SLU7: variants seen among roughly 807,000 people sequenced by gnomAD.
SLU7 encodes spliceosome associated SLU7.
In SLU7, 60 loss-of-function variants were observed where a neutral mutation model predicts 87.0. The ratio of observed to expected loss-of-function variants is 0.69; its 90% CI spans 0.56 to 0.86. The LOEUF (loss-of-function observed/expected upper bound fraction) is 0.86. Ranked by LOEUF, SLU7 falls within the 40% of genes least tolerant of loss-of-function variation. SLU7 has a pLI of 0.00. For missense variants in SLU7, 507 were observed against 686.6 expected (o/e 0.74, Z 2.92); for synonymous variants, 197 against 222.0 (o/e 0.89, Z 1.00).
At position 160,403,365 on chromosome 5, in the gene SLU7, GTTCTCGAGT is replaced by G; in HGVS notation, c.1672_1680del (p.Thr558_Glu560del). 1.2e-6 allele frequency: 2 copies of G among 1,613,406 alleles called. No homozygotes were observed. Among genetic ancestry groups the G allele is most frequent in the Non-Finnish European group, 1.7e-6 (2 of 1,179,774 alleles). ...TATGCCTCCATTTCCTCTTCAGTAG[GTTCTCGAGT>G]TTCATACATGCTATTGTAAGGCCGC... is the stretch of plus-strand genomic sequence containing the variant. On this transcript the variant is annotated inframe_deletion, in exon 16 of 16. Coordinates refer to ENST00000297151, the MANE Select transcript of SLU7 (RefSeq NM_006425.5).
At chr5:160,416,962 A>G (rs1050003987) in intron 1 of SLU7, 2 of 152,212 alleles carry the variant, frequency 1.3e-5, no homozygotes, top group East Asian at 3.8e-4. Context: ...CTGGTAATGA[A>G]TAAGTTTCAC....
Position 160,413,484 on chromosome 5 carries a change from AT to A in SLU7, c.541del (p.Ile181LeufsTer15), listed in dbSNP as rs1414590304. ...ATCAACTTTGGCATACTCTTCAACA[AT>A]TTTCATGTGTTCTTCTGGATTGTAG... The part of the protein sequence containing the change: ...NGYNPEEHMK[I>X]VEEYAKVDLA... On this transcript the variant is annotated frameshift_variant, in exon 5 of 16. Transcript: ENST00000297151. LOFTEE classifies it high-confidence loss of function. 4 of 1,613,370 alleles carry A rather than the reference AT, an allele frequency of 2.5e-6. No homozygotes were observed. The highest frequency in any genetic ancestry group is 3.4e-6 in the Non-Finnish European group (4 of 1,179,794).
intron 15 of SLU7, 36 bp downstream of exon 15, chr5:160,404,404 A>G (rs978489500): frequency 8.0e-7 from 1 of 1,247,042 alleles, no homozygotes. Flanking sequence ...GAATACTGCT[A>G]CTTGTCACTT....
intron 6 of SLU7, 135 bp downstream of exon 6, chr5:160,412,316 G>T: frequency 1.6e-6 from 1 of 616,764 alleles, no homozygotes; most frequent in Non-Finnish European, 2.8e-6. Context: ...TGTATACAAA[G>T]TATCAGTTTT....
At chr5:160,415,407 G>GC (rs1554082560) in intron 1 of SLU7, 97 bp from the exon 2 acceptor site, 1 of 891,148 alleles carries the variant, frequency 1.1e-6, no homozygotes, top group Non-Finnish European at 1.6e-6. Flanking sequence ...TGTTTCATAT[G>GC]TTTTTTTTTC....
At chr5:160,414,932 A>G (rs1461743230) in intron 2 of SLU7, among the ~76,000 whole-genome samples, 193 bp downstream of exon 2, 3 of 152,202 alleles carry the variant, frequency 2.0e-5, no homozygotes, top group Non-Finnish European at 4.4e-5. Flanking sequence ...GTAAAAAAGG[A>G]CTGTTGCTAT....
chr5:160,405,337 T>C (rs1050845948), intron 12 of SLU7, among the ~76,000 whole-genome samples: 1 of 152,220 alleles, frequency 6.6e-6, no homozygotes, highest in Non-Finnish European at 1.5e-5. Context: ...AACTCTTAAA[T>C]TCTATTCCCA....
chr5:160,404,568 G>T lies in SLU7; in HGVS notation c.1465-12C>A, dbSNP rs1405475695. 1.3e-6 allele frequency: 2 copies of T among 1,500,848 alleles called. No homozygotes were observed. Among genetic ancestry groups the T allele is most frequent in the African/African-American group, 2.8e-5 (2 of 71,994 alleles). The allele number at this position is 1,500,848 out of a possible 1,614,324, so 93.0% of individuals were successfully genotyped here. On this transcript the variant is annotated splice_polypyrimidine_tract_variant and intron_variant, in intron 14 of 15. Coordinates refer to ENST00000297151, the MANE Select transcript of SLU7 (RefSeq NM_006425.5). ...TTTTCTTGATGCAGCTGAAAGGGAG[G>T]ATTGAAATGCAGTGTTATTAATGTG...
At chr5:160,413,376 A>G in intron 5 of SLU7, 80 bp downstream of exon 5, 1 of 1,310,566 alleles carries the variant, frequency 7.6e-7, no homozygotes, top group South Asian at 1.4e-5. Context: ...GTGCTTCAAG[A>G]TTTGAAAAGT....
Position 160,403,045 on chromosome 5 carries a change from G to T in SLU7, c.*240C>A. ...AAAAAATAAATAAATAAAAAAAACT[G>T]GAAATAAAATCTTAATCCAATTTTA... On this transcript the variant is annotated 3_prime_UTR_variant, in exon 16 of 16. Transcript: ENST00000297151. The T allele has an allele frequency of 6.4e-6, 2 of 312,982 alleles. No individual in the cohort carries two copies. Among genetic ancestry groups the T allele is most frequent in the South Asian group, 1.5e-4 (1 of 6,694 alleles). 19.4% of individuals were successfully genotyped at this position (312,982 alleles called of 1,614,324 possible). A position where few individuals can be genotyped will look rare whatever the true frequency, so the allele number is the denominator to read the frequency against.
At position 160,402,376 on chromosome 5, in the gene SLU7, C is replaced by A. The variant is rs1329591446; in HGVS notation, c.*909G>T. ...CAATGATGAGAAAATAGTTGTTTTC[C>A]ATTCAAAGACTAACACATTTAGTCT... On this transcript the variant is annotated 3_prime_UTR_variant, in exon 16 of 16. Coordinates refer to ENST00000297151, the MANE Select transcript of SLU7 (RefSeq NM_006425.5). The A allele has an allele frequency of 6.6e-6, 1 of 152,032 alleles. No individual in the cohort carries two copies. The highest frequency in any genetic ancestry group is 1.5e-5 in the Non-Finnish European group (1 of 67,994). 9.4% of individuals were successfully genotyped at this position (152,032 alleles called of 1,614,324 possible).
intron 6 of SLU7, 93 bp from the exon 7 acceptor site, chr5:160,408,790 T>C (rs1350930726): frequency 1.3e-5 from 3 of 224,750 alleles, no homozygotes; most frequent in Non-Finnish European, 2.8e-5. Context: ...ATTATCTTAT[T>C]ATAAATAATA....
At chr5:160,403,765 T>C (rs1229629465) in intron 15 of SLU7, among the ~76,000 whole-genome samples, 1 of 152,252 alleles carries the variant, frequency 6.6e-6, no homozygotes, top group Non-Finnish European at 1.5e-5. Context: ...TCACAAATGA[T>C]GCTTCTGGTA....
intron 6 of SLU7, among the ~76,000 whole-genome samples, chr5:160,411,108 C>T (rs1157524271): frequency 1.3e-5 from 2 of 152,158 alleles, no homozygotes; most frequent in African/African-American, 2.4e-5. Flanking sequence ...CCTTGGGATC[C>T]ACCCGCCTTG....
chr5:160,411,920 A>G (rs1765254084), intron 6 of SLU7, among the ~76,000 whole-genome samples: 1 of 152,218 alleles, frequency 6.6e-6, no homozygotes, highest in Non-Finnish European at 1.5e-5. Context: ...TAAATTCTAC[A>G]TTAAATAAAA....
intron 1 of SLU7, among the ~76,000 whole-genome samples, chr5:160,417,861 T>C (rs1765521446): frequency 2.0e-5 from 3 of 152,082 alleles, no homozygotes. Context: ...GACATCTTTT[T>C]AACACACCTA....
chr5:160,408,075 G>T lies in SLU7; in HGVS notation c.820-7C>A. Reference sequence around the variant, plus strand: ...GATCTAAATTCCTCAAATACTAGAAGAAAAAAATATTTAAAGAATTAATGT... The same window carrying T: ...GATCTAAATTCCTCAAATACTAGAATAAAAAAATATTTAAAGAATTAATGT... On this transcript the variant is annotated splice_region_variant and splice_polypyrimidine_tract_variant and intron_variant, in intron 8 of 15. Transcript: ENST00000297151. The T allele has an allele frequency of 6.4e-7, 1 of 1,560,852 alleles. No individual in the cohort carries two copies. Among genetic ancestry groups the T allele is most frequent in the African/African-American group, 1.4e-5 (1 of 73,754 alleles).
At chr5:160,415,843 T>C (rs577591136) in intron 1 of SLU7, among the ~76,000 whole-genome samples, 33 of 152,298 alleles carry the variant, frequency 2.2e-4, no homozygotes, top group African/African-American at 7.9e-4. Flanking sequence ...TTCCTTCCCT[T>C]TTTATATATT....
chr5:160,417,620 G>A (rs1197469937), intron 1 of SLU7, among the ~76,000 whole-genome samples: 1 of 151,856 alleles, frequency 6.6e-6, no homozygotes, highest in Admixed American at 6.6e-5. Context: ...AAACCCCGTC[G>A]CTACTAAGCA....
Sources: gnomAD v4.1 joint callset for allele counts (sites outside exome capture counted in the v4.1 genomes callset) on GRCh38, gnomAD v4.1.1 for gene constraint, MANE v1.5 for transcripts, NCBI Gene and HGNC (gene_info 2026-07-23, HGNC 2026-07-21) for gene names.